Variants in USP32 observed in about 807,000 individuals in gnomAD.
The protein encoded by USP32 is ubiquitin carboxyl-terminal hydrolase 32.
Under a neutral mutation model 204.8 loss-of-function variants are expected in USP32, and 59 were observed. The observed-to-expected ratio is 0.29, with a 90% confidence interval of 0.23 to 0.36. The LOEUF (loss-of-function observed/expected upper bound fraction) is 0.36. Ranked by LOEUF, USP32 falls within the 10% of genes least tolerant of loss-of-function variation. The pLI is 1.00. For missense variants in USP32, 1,160 were observed against 1,946.4 expected, an observed-to-expected ratio of 0.60 and a Z score of 7.60; for synonymous variants, 517 against 678.4, an observed-to-expected ratio of 0.76 and a Z score of 3.70.
intron 2 of USP32, among the ~76,000 whole-genome samples, chr17:60,337,713 C>T (rs2088555225): frequency 6.6e-6 from 1 of 151,906 alleles, no homozygotes; most frequent in Admixed American, 6.6e-5. Flanking sequence ...CCCGTCTCCA[C>T]AAAAAATAAA....
intron 1 of USP32, among the ~76,000 whole-genome samples, chr17:60,372,845 T>TA (rs746725190): frequency 0.019 from 1,668 of 88,310 alleles, 40 homozygotes; most frequent in East Asian, 0.085. Flanking sequence ...AGACCCTGTC[T>TA]AAAAAAAAAA....
intron 1 of USP32, among the ~76,000 whole-genome samples, chr17:60,349,622 T>C (rs1167145592): frequency 1.2e-4 from 8 of 66,682 alleles, no homozygotes; most frequent in African/African-American, 2.3e-4. Context: ...TATATATATA[T>C]ATTATATATA....
chr17:60,195,275 C>T (rs1222122578), intron 27 of USP32, among the ~76,000 whole-genome samples: 3 of 152,220 alleles, frequency 2.0e-5, no homozygotes, highest in Non-Finnish European at 4.4e-5. Context: ...CACTCCTTTC[C>T]TGAAATACTT....
intron 1 of USP32, among the ~76,000 whole-genome samples, chr17:60,356,917 T>TC (rs2089093035): frequency 2.0e-5 from 3 of 151,984 alleles, no homozygotes; most frequent in African/African-American, 7.3e-5. Flanking sequence ...GCCTAATGAC[T>TC]TCAAGTATGA....
At position 60,392,126 on chromosome 17, in the gene USP32, G is replaced by A. The variant is rs2146146707; in HGVS notation, c.-187C>T. On this transcript the variant is annotated 5_prime_UTR_variant, in exon 1 of 34. Coordinates refer to ENST00000300896, the MANE Select transcript of USP32 (RefSeq NM_032582.4). ...CGGTCGCCGCCACCGCCTCCATGCC[G>A]GATCACGTGACTCTTCCGCCCCGCC... 2 of 570,002 alleles carry A rather than the reference G, an allele frequency of 3.5e-6. No homozygotes were observed. Among genetic ancestry groups the A allele is most frequent in the Non-Finnish European group, 6.0e-6 (2 of 334,034 alleles). The allele number at this position is 570,002 out of a possible 1,614,324, so 35.3% of individuals were successfully genotyped here. A position where few individuals can be genotyped will look rare whatever the true frequency, so the allele number is the denominator to read the frequency against.
chr17:60,205,328 A>T (rs2084795698), intron 26 of USP32, 119 bp downstream of exon 26: 2 of 1,377,330 alleles, frequency 1.5e-6, no homozygotes, highest in African/African-American at 1.5e-5. Context: ...ATTAAATTTT[A>T]AAAAATTAAA....
intron 7 of USP32, among the ~76,000 whole-genome samples, chr17:60,266,466 A>T (rs991366676): frequency 6.6e-6 from 1 of 152,130 alleles, no homozygotes; most frequent in African/African-American, 2.4e-5. Flanking sequence ...TTGAAAACTG[A>T]TCATTGCAGA....
chr17:60,404,846 A>G (rs965946018), intron 1 of USP32, among the ~76,000 whole-genome samples: 5 of 152,190 alleles, frequency 3.3e-5, no homozygotes, highest in Non-Finnish European at 5.9e-5. Context: ...CAATCTCCAA[A>G]CAACCAAGGA....
intron 1 of USP32, among the ~76,000 whole-genome samples, chr17:60,399,661 A>AAAAT (rs745396945): frequency 1.3e-5 from 2 of 152,082 alleles, no homozygotes; most frequent in East Asian, 1.9e-4. Flanking sequence ...AGACCCTGTC[A>AAAAT]AAATAAATAA....
At position 60,327,075 on chromosome 17, in the gene USP32, C is replaced by T. The variant is rs377396473; in HGVS notation, c.186+18406G>A. ...AGCATGCTACAGCACTATAGGGTGA[C>T]TATAATTAACAACAATTGGTTGTAT... On this transcript the variant is annotated intron_variant, in intron 2 of 33. Coordinates refer to ENST00000300896, the MANE Select transcript of USP32 (RefSeq NM_032582.4). Among the ~76,000 whole-genome samples, 38 of 152,140 alleles carry T rather than the reference C, an allele frequency of 2.5e-4. 1 individual carries two copies. In the East Asian group the frequency reaches 5.6e-3, roughly 22 times the overall value.
chr17:60,368,328 G>A (rs1201125962), intron 1 of USP32, among the ~76,000 whole-genome samples: 3 of 152,132 alleles, frequency 2.0e-5, no homozygotes, highest in Admixed American at 2.0e-4. Context: ...ATACACATTA[G>A]ATTGCTTTTT....
chr17:60,179,838 T>A (rs2084056637), intron 33 of USP32, among the ~76,000 whole-genome samples: 1 of 151,512 alleles, frequency 6.6e-6, no homozygotes, highest in African/African-American at 2.4e-5. Context: ...GCCTGGCTAA[T>A]TTTTTGTACT....
rs376702836 is a variant in USP32, at chr17:60,367,034, A to G, written c.59-21426T>C. On this transcript the variant is annotated intron_variant, in intron 1 of 33. Transcript: ENST00000300896. ...AGTAGAGACGGGGTTTCACCGTGTT[A>G]GCCAGGATGGTCTCAATCTCCTGAC... Among the ~76,000 whole-genome samples, 290 of 152,206 alleles carry G rather than the reference A, an allele frequency of 1.9e-3. 2 individuals carry two copies. The highest frequency in any genetic ancestry group is 6.8e-3 in the Middle Eastern group (2 of 294).
chr17:60,225,689 C>T (rs994838021), intron 13 of USP32, among the ~76,000 whole-genome samples: 1 of 152,082 alleles, frequency 6.6e-6, no homozygotes, highest in South Asian at 2.1e-4. Context: ...CATGGTGGCT[C>T]ACGCCTGTAA....
At chr17:60,347,860 C>T (rs1341128259) in intron 1 of USP32, among the ~76,000 whole-genome samples, 3 of 151,672 alleles carry the variant, frequency 2.0e-5, no homozygotes, top group African/African-American at 4.8e-5. Context: ...CAGTGGCTCA[C>T]GCCTGTAATC....
intron 1 of USP32, among the ~76,000 whole-genome samples, chr17:60,362,015 T>C (rs2089217521): frequency 6.6e-6 from 1 of 152,196 alleles, no homozygotes; most frequent in African/African-American, 2.4e-5. Context: ...TTCTTGGCTT[T>C]ACCACAATAC....
chr17:60,254,860 G>A (rs1216820004), intron 10 of USP32, among the ~76,000 whole-genome samples: 1 of 151,784 alleles, frequency 6.6e-6, no homozygotes, highest in Non-Finnish European at 1.5e-5. Context: ...TTATTACAAG[G>A]AAGCCCTTTT....
At chr17:60,193,034 T>A in intron 27 of USP32, 104 bp from the exon 28 acceptor site, 1 of 1,205,664 alleles carries the variant, frequency 8.3e-7, no homozygotes, top group Non-Finnish European at 1.2e-6. Context: ...GCATTTGCCA[T>A]AGCAGTACGC....
At position 60,265,436 on chromosome 17, in the gene USP32, T is replaced by C; in HGVS notation, c.966A>G (p.Ile322Met). The part of the protein sequence containing the change: ...HMDLSDIVEG[I>M]LNAHDTTKMG... ...CCTTTGTGGTGTCATGTGCATTCAG[T>C]ATGCCTTCTACAATATCAGAGAGAT... Residue 322 changes from isoleucine to methionine, a missense_variant, in exon 9 of 34, where the codon ATA (isoleucine) becomes ATG (methionine). This residue lies in a region of USP32 where 536 missense variants were observed against 680.9 expected (regional missense o/e 0.79). Transcript: ENST00000300896. 1 of 1,607,336 alleles carries C rather than the reference T, an allele frequency of 6.2e-7. No individual in the cohort carries two copies. The highest frequency in any genetic ancestry group is 1.3e-5 in the African/African-American group (1 of 74,878).
Sources: allele counts gnomAD v4.1 joint callset (sites outside exome capture counted in the v4.1 genomes callset), GRCh38; gene constraint gnomAD v4.1.1; regional missense constraint gnomAD v4.1.1; transcripts MANE v1.5; gene names NCBI Gene and HGNC (gene_info 2026-07-23, HGNC 2026-07-21).